E2F8: variants seen among roughly 807,000 people sequenced by gnomAD.
The protein encoded by E2F8 is E2F transcription factor 8.
A neutral mutation model predicts 80.8 loss-of-function variants in E2F8; 35 were observed. The observed-to-expected ratio is 0.43, with a 90% confidence interval of 0.33 to 0.57. E2F8 has a LOEUF of 0.57. Ranked by LOEUF, E2F8 falls within the 20% of genes least tolerant of loss-of-function variation. E2F8 has a pLI of 0.04. For missense variants in E2F8, 975 were observed against 1,056.2 expected (o/e 0.92, Z 1.07); for synonymous variants, 386 against 395.0 (o/e 0.98, Z 0.27).
At chr11:19,230,873 C>G (rs1407379051) in intron 7 of E2F8, 39 bp from the exon 8 acceptor site, 1 of 1,599,608 alleles carries the variant, frequency 6.3e-7, no homozygotes, top group Non-Finnish European at 8.5e-7. Context: ...ACCTGGATGG[C>G]TCAGTTGGCT....
chr11:19,225,013 G>A, intron 12 of E2F8, 173 bp from the exon 13 acceptor site: 3 of 1,112,052 alleles, frequency 2.7e-6, no homozygotes, highest in East Asian at 2.4e-5. Context: ...TTTTTGTTAG[G>A]GGAGAGACAA....
At chr11:19,235,170 C>T (rs912041248) in intron 4 of E2F8, 112 bp from the exon 5 acceptor site, 4 of 969,804 alleles carry the variant, frequency 4.1e-6, no homozygotes, top group Non-Finnish European at 3.0e-6. Flanking sequence ...TATCACTTTC[C>T]TAACTGTAAG....
intron 5 of E2F8, 76 bp from the exon 6 acceptor site, chr11:19,234,597 A>C: frequency 1.9e-6 from 3 of 1,573,262 alleles, no homozygotes; most frequent in Middle Eastern, 3.4e-4. Flanking sequence ...AAGGCTAAAA[A>C]TACTACCACC....
At chr11:19,234,339 C>T (rs1326540779) in intron 6 of E2F8, 21 bp downstream of exon 6, 1 of 1,610,172 alleles carries the variant, frequency 6.2e-7, no homozygotes, top group Non-Finnish European at 8.5e-7. Context: ...TTCAAAAATC[C>T]ATGGCAGTCA....
chr11:19,227,087 G>A (rs998056362), intron 10 of E2F8, among the ~76,000 whole-genome samples: 2 of 152,160 alleles, frequency 1.3e-5, no homozygotes, highest in African/African-American at 2.4e-5. Flanking sequence ...ACTGGCAAAA[G>A]CTAAAAACCG....
Position 19,230,237 on chromosome 11 carries a change from C to T in E2F8, c.1358+4G>A. ...CCTGTTATTAAAGAGGATTGCCAAC[C>T]TACCTTGATTGCTCTTCTAACTGCA... is the stretch of plus-strand genomic sequence containing the variant. On this transcript the variant is annotated splice_donor_region_variant and intron_variant, in intron 9 of 12. Coordinates refer to ENST00000250024, the MANE Select transcript of E2F8 (RefSeq NM_024680.4). 1.9e-6 allele frequency: 3 copies of T among 1,609,234 alleles called. No individual in the cohort carries two copies. The highest frequency in any genetic ancestry group is 4.5e-5 in the East Asian group (2 of 44,860).
intron 9 of E2F8, 64 bp from the exon 10 acceptor site, chr11:19,230,052 T>G: frequency 6.3e-7 from 1 of 1,594,806 alleles, no homozygotes; most frequent in Non-Finnish European, 8.5e-7. Context: ...GTTCTACCGC[T>G]TTAAGCCTCA....
intron 4 of E2F8, among the ~76,000 whole-genome samples, chr11:19,235,597 C>G (rs1034514271): frequency 3.3e-5 from 5 of 151,924 alleles, no homozygotes; most frequent in African/African-American, 1.2e-4. Flanking sequence ...TGCAGTGAGC[C>G]TAGATCGCGC....
intron 10 of E2F8, 110 bp from the exon 11 acceptor site, chr11:19,225,974 G>T (rs1348820919): frequency 7.5e-7 from 1 of 1,328,804 alleles, no homozygotes; most frequent in Non-Finnish European, 1.0e-6. Context: ...TTGGACCAAA[G>T]CCTCCAGCGG....
rs1182413797 is a variant in E2F8 at position 19,229,841 on chromosome 11, G to C, written c.1506C>G (p.Ser502Arg). 1 of 1,613,960 alleles carries C rather than the reference G, an allele frequency of 6.2e-7. No individual in the cohort carries two copies. Among genetic ancestry groups the C allele is most frequent in the Non-Finnish European group, 8.5e-7 (1 of 1,179,952 alleles). The change falls in exon 10 of 13, where the codon AGC becomes AGG. Residue 502 changes from serine (S) to arginine (R), a missense_variant. Ser to Arg is a moderately radical substitution (Grantham distance 110). Coordinates refer to ENST00000250024, the MANE Select transcript of E2F8 (RefSeq NM_024680.4). This position sits in a 1 kb window ranked among gnomAD's most constrained non-coding sequence, Gnocchi z 4.3. The part of the protein sequence containing the change: ...QPLGMVPLIP[S>R]PLSSAVPLIL... Reference sequence around the variant, plus strand: ...TCAGGGGCACTGCTGATGACAAGGGGCTGGGGATCAGGGGAACCATTCCCA... The same window carrying C: ...TCAGGGGCACTGCTGATGACAAGGGCCTGGGGATCAGGGGAACCATTCCCA...
In E2F8 at chr11:19,229,406, T is replaced by C. The variant is rs549127451; in HGVS notation, c.1893+48A>G. On this transcript the variant is annotated intron_variant, in intron 10 of 12. Coordinates refer to ENST00000250024, the MANE Select transcript of E2F8 (RefSeq NM_024680.4). The surrounding 1 kb of genome is among the most constrained non-coding windows in gnomAD (Gnocchi z 4.3). ...TCACAAGCCACCAATCTTCCTGTAA[T>C]AGACTAGGGAATTCCTAAAGCTTTG... is the stretch of plus-strand genomic sequence containing the variant. 4.5e-6 allele frequency: 7 copies of C among 1,549,334 alleles called. No individual in the cohort carries two copies. The East Asian group carries it at 1.1e-4, about 25-fold the overall frequency.
In E2F8 at chr11:19,224,854, G is replaced by A. The variant is rs1163499336; in HGVS notation, c.2422-14C>T. On this transcript the variant is annotated splice_polypyrimidine_tract_variant and intron_variant, in intron 12 of 12. Transcript: ENST00000250024. ...CACAGGAACAGGCTGATTGGAAAGA[G>A]AAGAATGGACAAAAGAAGTCAACCA... 6.2e-7 allele frequency: 1 copy of A among 1,613,856 alleles called. No individual in the cohort carries two copies. Among genetic ancestry groups the A allele is most frequent in the Non-Finnish European group, 8.5e-7 (1 of 1,179,918 alleles).
Position 19,229,293 on chromosome 11 carries a change from AG to A in E2F8, c.1893+160del, listed in dbSNP as rs1465792885. On this transcript the variant is annotated intron_variant, in intron 10 of 12. Coordinates refer to ENST00000250024, the MANE Select transcript of E2F8 (RefSeq NM_024680.4). This position sits in a 1 kb window ranked among gnomAD's most constrained non-coding sequence, Gnocchi z 4.3. ...AAATGTCCCTGCCTTCATCCCAGCC[AG>A]GGGATTAGCTGTTGAGGGCCTCACT... is the stretch of plus-strand genomic sequence containing the variant. Among the ~76,000 whole-genome samples, 1 of 152,184 alleles carries A rather than the reference AG, an allele frequency of 6.6e-6. No homozygotes were observed. The highest frequency in any genetic ancestry group is 1.5e-5 in the Non-Finnish European group (1 of 68,028).
chr11:19,240,212 T>G lies in E2F8; in HGVS notation c.-91A>C. Reference sequence around the variant, plus strand: ...ATGGTTCAAGTAGTCCAATCAATTGTACTAAAAGTTTTAATATCCTTAAAG... The same window carrying G: ...ATGGTTCAAGTAGTCCAATCAATTGGACTAAAAGTTTTAATATCCTTAAAG... On this transcript the variant is annotated 5_prime_UTR_variant, in exon 2 of 13. Transcript: ENST00000250024. 1 of 789,896 alleles carries G rather than the reference T, an allele frequency of 1.3e-6. No individual in the cohort carries two copies. Among genetic ancestry groups the G allele is most frequent in the South Asian group, 3.0e-5 (1 of 33,798 alleles). The allele number at this position is 789,896 out of a possible 1,614,324, so 48.9% of individuals were successfully genotyped here. A position where few individuals can be genotyped will look rare whatever the true frequency, so the allele number is the denominator to read the frequency against.
intron 4 of E2F8, 101 bp from the exon 5 acceptor site, chr11:19,235,159 A>G (rs569875802): frequency 9.4e-7 from 1 of 1,067,282 alleles, no homozygotes; most frequent in East Asian, 2.6e-5. Flanking sequence ...GTCTTGGATA[A>G]TATCACTTTC....
intron 10 of E2F8, among the ~76,000 whole-genome samples, chr11:19,226,307 G>C (rs1851236116): frequency 6.6e-6 from 1 of 152,220 alleles, no homozygotes; most frequent in Admixed American, 6.5e-5. Flanking sequence ...GGCATTACCT[G>C]ATTCTTGGTC....
In E2F8 at chr11:19,237,920, G is replaced by A. The variant is rs774409515; in HGVS notation, c.228C>T (p.Asn76=). ...LISAVSPEIR[N]RDQKRGLFDN... ...CAAACAAACCCCTTTTCTGATCTCT[G>A]TTGCGGATCTCAGGGCTCACAGCAC... Residue 76 remains asparagine, a synonymous_variant, in exon 3 of 13, where the codon AAC becomes AAT. Transcript: ENST00000250024. 1.9e-6 allele frequency: 3 copies of A among 1,613,766 alleles called. No individual in the cohort carries two copies. The highest frequency in any genetic ancestry group is 1.1e-5 in the South Asian group (1 of 91,072).
At position 19,225,469 on chromosome 11, in the gene E2F8, G is replaced by T; in HGVS notation, c.2173C>A (p.Pro725Thr). ...SPALASSHPV[P>T]IQNPSSAIVN... Reference sequence around the variant, plus strand: ...ATGGCTGAGCTTGGGTTCTGGATGGGAACAGGGTGGCTTGAAGCGAGAGCC... The same window carrying T: ...ATGGCTGAGCTTGGGTTCTGGATGGTAACAGGGTGGCTTGAAGCGAGAGCC... The change falls in exon 12 of 13, where the codon CCC becomes ACC. Residue 725 changes from proline to threonine, a missense_variant. By Grantham distance (38) the Pro-to-Thr change is conservative. Coordinates refer to ENST00000250024, the MANE Select transcript of E2F8 (RefSeq NM_024680.4). 6.2e-7 allele frequency: 1 copy of T among 1,614,232 alleles called. No homozygotes were observed. Among genetic ancestry groups the T allele is most frequent in the Non-Finnish European group, 8.5e-7 (1 of 1,180,042 alleles).
At position 19,224,436 on chromosome 11, in the gene E2F8, G is replaced by T. The variant is rs1399661862; in HGVS notation, c.*222C>A. 2 of 414,866 alleles carry T rather than the reference G, an allele frequency of 4.8e-6. No homozygotes were observed. Among genetic ancestry groups the T allele is most frequent in the African/African-American group, 2.0e-5 (1 of 49,192 alleles). The allele number at this position is 414,866 out of a possible 1,614,324, so 25.7% of individuals were successfully genotyped here. On this transcript the variant is annotated 3_prime_UTR_variant, in exon 13 of 13. Transcript: ENST00000250024. ...TCAACATTTTACTTTTATTTTGTAG[G>T]ATTGAAAGCTAAACTTAGCTTTATA...
Sources: allele counts gnomAD v4.1 joint callset (sites outside exome capture counted in the v4.1 genomes callset), GRCh38; gene constraint gnomAD v4.1.1; non-coding constraint Gnocchi (gnomAD v3.1); transcripts MANE v1.5; gene names NCBI Gene and HGNC (gene_info 2026-07-23, HGNC 2026-07-21).